MBD5: variants seen among roughly 807,000 people sequenced by gnomAD.
MBD5 encodes the protein methyl-CpG-binding domain protein 5.
MBD5 carries 13 observed loss-of-function variants against 117.3 expected under a neutral mutation model. That is an observed-to-expected ratio of 0.11 (90% CI 0.07 to 0.18). The LOEUF (loss-of-function observed/expected upper bound fraction) is 0.18, where lower values mean the gene tolerates loss of function less well. Among genes scored for constraint, MBD5 ranks in the 10% least tolerant of loss-of-function variants. MBD5 has a pLI of 1.00. For synonymous variants in MBD5, 727 were observed against 766.4 expected (o/e 0.95, Z 0.85); for missense variants, 1,879 against 2,093.8 (o/e 0.90, Z 2.00).
chr2:148,180,338 TTATACATATA>T (rs1698496433), intron 2 of MBD5, among the ~76,000 whole-genome samples: 2 of 13,668 alleles, frequency 1.5e-4, no homozygotes, highest in Non-Finnish European at 3.9e-4. Flanking sequence ...TAAAAAAAAA[TTATACATATA>T]TATATATATA....
chr2:148,502,392 T>C (rs1681900213), intron 11 of MBD5, 44 bp from the exon 12 acceptor site: 1 of 1,577,584 alleles, frequency 6.3e-7, no homozygotes, highest in Non-Finnish European at 8.7e-7. Flanking sequence ...GTTTAACAAT[T>C]ACAGGTCTGG....
intron 3 of MBD5, among the ~76,000 whole-genome samples, chr2:148,337,221 T>C (rs1163903062): frequency 6.6e-6 from 1 of 152,142 alleles, no homozygotes; most frequent in Non-Finnish European, 1.5e-5. Context: ...AAACATCTAT[T>C]ATATTCTCTT....
chr2:148,513,899 G>A lies in MBD5; in HGVS notation c.*958G>A. 6.6e-6 allele frequency: 1 copy of A among 152,106 alleles called. No homozygotes were observed. The highest frequency in any genetic ancestry group is 1.9e-4 in the East Asian group (1 of 5,194). 9.4% of individuals were successfully genotyped at this position (152,106 alleles called of 1,614,324 possible). On this transcript the variant is annotated 3_prime_UTR_variant, in exon 14 of 14. Transcript: ENST00000642680. ...TTTTTTGCAAATGATATCTGACAAG[G>A]TAAAACTTTCTATTTCCGTACATGG...
At chr2:148,394,849 T>G (rs6706913) in intron 4 of MBD5, among the ~76,000 whole-genome samples, 78,584 of 151,364 alleles carry the variant, frequency 0.52, 20,550 homozygotes, top group East Asian at 0.75. Context: ...GAATATATTA[T>G]TGATATGAAC....
chr2:148,228,907 A>G (rs202004475), intron 2 of MBD5, among the ~76,000 whole-genome samples: 3 of 152,182 alleles, frequency 2.0e-5, no homozygotes, highest in Non-Finnish European at 4.4e-5. Context: ...AGAGGTGTTT[A>G]TAGTATTCTC....
intron 4 of MBD5, among the ~76,000 whole-genome samples, chr2:148,380,756 C>T (rs1460294261): frequency 6.6e-6 from 1 of 152,154 alleles, no homozygotes; most frequent in East Asian, 1.9e-4. Context: ...CAGCCGGGTA[C>T]TCCTCTGAGA....
chr2:148,476,750 T>G (rs956116420), intron 8 of MBD5, among the ~76,000 whole-genome samples: 4 of 152,316 alleles, frequency 2.6e-5, no homozygotes, highest in East Asian at 3.9e-4. Context: ...AGGCACTGTT[T>G]TAGCACTGCA....
At chr2:148,237,154 AC>A (rs1700108551) in intron 3 of MBD5, among the ~76,000 whole-genome samples, 1 of 152,232 alleles carries the variant, frequency 6.6e-6, no homozygotes, top group Non-Finnish European at 1.5e-5. Context: ...TATCCATGCC[AC>A]TAAAAGTTTG....
intron 3 of MBD5, among the ~76,000 whole-genome samples, chr2:148,332,173 ATC>A (rs1445529019): frequency 9.2e-5 from 14 of 152,052 alleles, no homozygotes; most frequent in African/African-American, 3.4e-4. Context: ...ATAGACTTAG[ATC>A]TCTTTATTAT....
chr2:148,412,443 G>A lies in MBD5; in HGVS notation c.-556-45760G>A, dbSNP rs574263796. ...TTAGGATTGCTTTGGCTGTTTGGGTGCTTCTTTGGTTTCACATGAATTTTA... is the reference window on the plus strand; with the variant it reads ...TTAGGATTGCTTTGGCTGTTTGGGTACTTCTTTGGTTTCACATGAATTTTA... On this transcript the variant is annotated intron_variant, in intron 4 of 13. Transcript: ENST00000642680. 1.5e-3 allele frequency among the ~76,000 whole-genome samples: 225 copies of A among 151,994 alleles called. 2 individuals carry two copies. The highest frequency in any genetic ancestry group is 2.6e-3 in the Non-Finnish European group (177 of 67,918).
intron 1 of MBD5, among the ~76,000 whole-genome samples, chr2:148,047,607 T>A (rs1694567502): frequency 6.6e-6 from 1 of 152,160 alleles, no homozygotes; most frequent in South Asian, 2.1e-4. Flanking sequence ...CAAAGATGAA[T>A]AAGAAAGGAA....
chr2:148,336,631 C>A (rs1003791123), intron 3 of MBD5, among the ~76,000 whole-genome samples: 2 of 152,172 alleles, frequency 1.3e-5, no homozygotes, highest in African/African-American at 4.8e-5. Context: ...AAGCAGTTCT[C>A]CCACCTCAGC....
intron 2 of MBD5, among the ~76,000 whole-genome samples, chr2:148,189,458 G>A (rs751454945): frequency 0.074 from 10,450 of 140,456 alleles, 615 homozygotes; most frequent in Non-Finnish European, 0.11. Flanking sequence ...CGTGACCCCC[G>A]AGCAGCCTAA....
intron 1 of MBD5, among the ~76,000 whole-genome samples, chr2:148,057,931 T>C (rs1208832405): frequency 6.6e-6 from 1 of 152,048 alleles, no homozygotes; most frequent in Non-Finnish European, 1.5e-5. Flanking sequence ...TAAGCACTAG[T>C]GTAAATCTGG....
chr2:148,245,819 C>T (rs1288660363), intron 3 of MBD5, among the ~76,000 whole-genome samples: 3 of 152,070 alleles, frequency 2.0e-5, no homozygotes, highest in Non-Finnish European at 4.4e-5. Context: ...ATTTTCTATG[C>T]TTTCCTGTTT....
chr2:148,331,981 T>TA (rs1286230917), intron 3 of MBD5, among the ~76,000 whole-genome samples: 2 of 152,036 alleles, frequency 1.3e-5, no homozygotes, highest in Admixed American at 6.5e-5. Flanking sequence ...AATCTAGAAA[T>TA]AAAAAATCTC....
At chr2:148,340,393 G>A (rs980470577) in intron 3 of MBD5, among the ~76,000 whole-genome samples, 1 of 152,042 alleles carries the variant, frequency 6.6e-6, no homozygotes, top group Admixed American at 6.6e-5. Flanking sequence ...ATTGGTGATG[G>A]TATGCCTTCT....
At chr2:148,339,185 C>G (rs549813562) in intron 3 of MBD5, among the ~76,000 whole-genome samples, 26 of 152,304 alleles carry the variant, frequency 1.7e-4, no homozygotes, top group African/African-American at 5.8e-4. Flanking sequence ...GGCAGAGGTG[C>G]TTCCATCCCC....
intron 1 of MBD5, among the ~76,000 whole-genome samples, chr2:148,117,910 G>C (rs544965579): frequency 6.6e-6 from 1 of 152,162 alleles, no homozygotes; most frequent in African/African-American, 2.4e-5. Flanking sequence ...AATTAAAAAT[G>C]TATGCTTATA....
Sources: allele counts gnomAD v4.1 joint callset (sites outside exome capture counted in the v4.1 genomes callset), GRCh38; gene constraint gnomAD v4.1.1; transcripts MANE v1.5; gene names NCBI Gene and HGNC (gene_info 2026-07-23, HGNC 2026-07-21).